The following TADA2A variants were observed in gnomAD, a reference collection of about 807,000 sequenced individuals.
TADA2A encodes transcriptional adaptor 2A, also known as transcriptional adapter 2-alpha.
Under a neutral mutation model 67.4 loss-of-function variants are expected in TADA2A, and 38 were observed. That is an observed-to-expected ratio of 0.56 (90% CI 0.44 to 0.74). TADA2A has a LOEUF of 0.74. TADA2A is among the 30% of genes least tolerant of loss of function. The probability of loss-of-function intolerance (pLI) is 0.00; values close to 1 mark genes in which losing one functional copy is unlikely to be tolerated. For synonymous variants in TADA2A, 192 were observed against 181.6 expected (o/e 1.06, Z -0.46); for missense variants, 454 against 547.0 (o/e 0.83, Z 1.70).
chr17:37,415,776 A>C (rs1339384074), intron 2 of TADA2A, among the ~76,000 whole-genome samples: 1 of 150,460 alleles, frequency 6.6e-6, no homozygotes, highest in Admixed American at 6.7e-5. Flanking sequence ...CAGGAGGCTG[A>C]GGCAGGAGAA....
intron 3 of TADA2A, among the ~76,000 whole-genome samples, chr17:37,424,819 G>A (rs1306066933): frequency 6.6e-6 from 1 of 152,062 alleles, no homozygotes; most frequent in African/African-American, 2.4e-5. Flanking sequence ...GTCTCCCAAA[G>A]TGCTGGGATT....
At chr17:37,472,426 T>C (rs970984141) in intron 14 of TADA2A, among the ~76,000 whole-genome samples, 12 of 152,032 alleles carry the variant, frequency 7.9e-5, no homozygotes, top group Admixed American at 5.2e-4. Flanking sequence ...TTTTTCTTAA[T>C]ATGGAAAGAA....
chr17:37,470,608 T>C, intron 13 of TADA2A, 76 bp downstream of exon 13: 1 of 1,410,676 alleles, frequency 7.1e-7, no homozygotes. Flanking sequence ...TTGGGCACCC[T>C]AGATGGCAGA....
chr17:37,413,779 T>C (rs1279674069), intron 2 of TADA2A, among the ~76,000 whole-genome samples: 2 of 152,060 alleles, frequency 1.3e-5, no homozygotes, highest in East Asian at 1.9e-4. Flanking sequence ...TAGTGCTCTC[T>C]CCACATTTAC....
At chr17:37,437,257 A>G (rs1411363751) in intron 4 of TADA2A, among the ~76,000 whole-genome samples, 1 of 144,134 alleles carries the variant, frequency 6.9e-6, no homozygotes, top group African/African-American at 2.6e-5. Flanking sequence ...AGGCCCGGCT[A>G]ATTTTTTATA....
intron 4 of TADA2A, among the ~76,000 whole-genome samples, chr17:37,428,319 G>T (rs1341812385): frequency 6.6e-6 from 1 of 152,142 alleles, no homozygotes; most frequent in Non-Finnish European, 1.5e-5. Context: ...GAGGCCCTGG[G>T]GTAGAATCCA....
chr17:37,418,906 T>G (rs1242516328), intron 2 of TADA2A, among the ~76,000 whole-genome samples: 3,499 of 126,192 alleles, frequency 0.028, 194 homozygotes, highest in East Asian at 0.054. Flanking sequence ...CTTTTTATTA[T>G]TTTTGGTAGA....
intron 12 of TADA2A, among the ~76,000 whole-genome samples, chr17:37,468,729 TG>T (rs1331246746): frequency 7.0e-6 from 1 of 142,680 alleles, no homozygotes; most frequent in Non-Finnish European, 1.6e-5. Context: ...TTAGAGATAC[TG>T]CATATAAGCA....
intron 4 of TADA2A, among the ~76,000 whole-genome samples, chr17:37,429,841 T>C (rs1377879822): frequency 2.6e-5 from 4 of 152,202 alleles, no homozygotes; most frequent in Non-Finnish European, 5.9e-5. Flanking sequence ...TTTTAATGGC[T>C]TCAGTAATTG....
At chr17:37,461,864 T>G (rs1275925800) in intron 9 of TADA2A, 1 of 492,354 alleles carries the variant, frequency 2.0e-6, no homozygotes, top group Non-Finnish European at 3.7e-6. Flanking sequence ...GAGAGTCTAC[T>G]ATGCCCAACA....
chr17:37,456,553 G>A (rs1484923354), intron 8 of TADA2A, among the ~76,000 whole-genome samples: 1 of 152,170 alleles, frequency 6.6e-6, no homozygotes, highest in African/African-American at 2.4e-5. Context: ...GACTATGGAG[G>A]AGAAGGAGGA....
intron 14 of TADA2A, 56 bp from the exon 15 acceptor site, chr17:37,474,500 A>C (rs2053853344): frequency 6.4e-7 from 1 of 1,560,868 alleles, no homozygotes; most frequent in Non-Finnish European, 8.8e-7. Flanking sequence ...AATACTTTAC[A>C]CCTGAGAAAT....
At chr17:37,442,082 A>G (rs943423268) in intron 6 of TADA2A, among the ~76,000 whole-genome samples, 2 of 152,112 alleles carry the variant, frequency 1.3e-5, no homozygotes, top group African/African-American at 4.8e-5. Context: ...TTTGTTTTAC[A>G]TTCGAGAAGA....
In TADA2A at chr17:37,406,897, G is replaced by C. The variant is rs1231784551; in HGVS notation, c.-150G>C. 1.4e-5 allele frequency: 2 copies of C among 142,462 alleles called. No individual in the cohort carries two copies. Among genetic ancestry groups the C allele is most frequent in the Non-Finnish European group, 1.5e-5 (1 of 64,634 alleles). 8.8% of individuals were successfully genotyped at this position (142,462 alleles called of 1,614,324 possible). A position where few individuals can be genotyped will look rare whatever the true frequency, so the allele number is the denominator to read the frequency against. ...GCCCGGGGGCGCGCACGCAAAGCCC[G>C]GAGGCGCGCGCGACCGGCGGCTCTT... On this transcript the variant is annotated 5_prime_UTR_variant, in exon 1 of 16. Coordinates refer to ENST00000615182, the MANE Select transcript of TADA2A (RefSeq NM_001166105.3).
At chr17:37,442,185 GT>G (rs2052939425) in intron 6 of TADA2A, among the ~76,000 whole-genome samples, 2 of 112,822 alleles carry the variant, frequency 1.8e-5, no homozygotes. Context: ...TCCAGTGTTT[GT>G]TTTTTTCCCG....
chr17:37,467,500 G>A lies in TADA2A; in HGVS notation c.870G>A (p.Arg290=), dbSNP rs1290843143. 5 of 1,613,926 alleles carry A rather than the reference G, an allele frequency of 3.1e-6. No individual in the cohort carries two copies. The South Asian group carries it at 4.4e-5, about 14-fold the overall frequency. The change falls in exon 12 of 16, where the codon AGG becomes AGA. Residue 290 remains arginine, a synonymous_variant. Transcript: ENST00000615182. Reference sequence around the variant, plus strand: ...AAATCAAGAGGCTCCAAGAATACAGGACAGCAGGCATTACCAATTTTTGTA... The same window carrying A: ...AAATCAAGAGGCTCCAAGAATACAGAACAGCAGGCATTACCAATTTTTGTA... The part of the protein sequence containing the change: ...RREIKRLQEY[R]TAGITNFCSA...
chr17:37,420,671 GT>G (rs1231772064), intron 2 of TADA2A, among the ~76,000 whole-genome samples: 2 of 145,782 alleles, frequency 1.4e-5, no homozygotes, highest in African/African-American at 5.0e-5. Context: ...GGGATTATAG[GT>G]TTGAGCCACC....
chr17:37,424,744 CAG>C (rs2052352277), intron 3 of TADA2A, among the ~76,000 whole-genome samples: 1 of 152,114 alleles, frequency 6.6e-6, no homozygotes, highest in African/African-American at 2.4e-5. Context: ...TTAGTATAGA[CAG>C]GGTTTCTCCA....
intron 8 of TADA2A, among the ~76,000 whole-genome samples, chr17:37,451,674 C>T (rs1325840450): frequency 1.3e-5 from 2 of 151,936 alleles, no homozygotes; most frequent in East Asian, 3.9e-4. Flanking sequence ...AACATGGCAT[C>T]TTGTATCTTA....
Sources: allele counts gnomAD v4.1 joint callset (sites outside exome capture counted in the v4.1 genomes callset), GRCh38; gene constraint gnomAD v4.1.1; transcripts MANE v1.5; gene names NCBI Gene and HGNC (gene_info 2026-07-23, HGNC 2026-07-21).